The following ZNF37A variants were observed in gnomAD, a reference collection of about 807,000 sequenced individuals.
ZNF37A encodes zinc finger protein 37A.
A neutral mutation model predicts 12.3 loss-of-function variants in ZNF37A; 10 were observed. That is an observed-to-expected ratio of 0.82 (90% CI 0.50 to 1.38). The LOEUF is 1.38. Ranked by LOEUF, ZNF37A falls within the 40% of genes most tolerant of loss-of-function variation. ZNF37A has a pLI of 0.00. For missense variants in ZNF37A, 580 were observed against 651.2 expected, an observed-to-expected ratio of 0.89 and a Z score of 1.19; for synonymous variants, 207 against 223.0, an observed-to-expected ratio of 0.93 and a Z score of 0.64.
intron 7 of ZNF37A, among the ~76,000 whole-genome samples, chr10:38,136,545 T>A (rs1003728991): frequency 1.3e-5 from 2 of 152,246 alleles, no homozygotes; most frequent in African/African-American, 2.4e-5. Flanking sequence ...TGGTTTGTTG[T>A]ATGCGATGAG....
intron 7 of ZNF37A, chr10:38,140,204 A>G (rs1484541371): frequency 2.0e-5 from 3 of 152,244 alleles, no homozygotes; most frequent in Admixed American, 6.5e-5. Flanking sequence ...AAAACAAGCA[A>G]CCAACCAGGT....
rs2504145 is a variant in ZNF37A, at chr10:38,094,457, G to A, written c.-525G>A. On this transcript the variant is annotated 5_prime_UTR_variant, in exon 1 of 8. Transcript: ENST00000685332. ...GGCACTCTGACGGGGAGGGCTCCCGGCATCTCCTGGCGTCCGGGTAGAGGA... is the reference window on the plus strand; with the variant it reads ...GGCACTCTGACGGGGAGGGCTCCCGACATCTCCTGGCGTCCGGGTAGAGGA... 6.6e-6 allele frequency: 1 copy of A among 151,964 alleles called. No individual in the cohort carries two copies. Among genetic ancestry groups the A allele is most frequent in the Non-Finnish European group, 1.5e-5 (1 of 67,996 alleles). 9.4% of individuals were successfully genotyped at this position (151,964 alleles called of 1,614,324 possible).
intron 7 of ZNF37A, chr10:38,137,857 A>G (rs1332080995): frequency 6.6e-6 from 1 of 152,168 alleles, no homozygotes; most frequent in African/African-American, 2.4e-5. Flanking sequence ...GCAGATAGAG[A>G]TGGATTTTTG....
intron 7 of ZNF37A, among the ~76,000 whole-genome samples, chr10:38,145,145 A>G (rs1359301186): frequency 6.6e-6 from 1 of 152,202 alleles, no homozygotes; most frequent in African/African-American, 2.4e-5. Flanking sequence ...GACAAATTCA[A>G]CAGCCTTATT....
At chr10:38,126,419 A>G (rs1488376996), downstream of ZNF37A, among the ~76,000 whole-genome samples, 1 of 152,066 alleles carries the variant, frequency 6.6e-6, no homozygotes, top group Non-Finnish European at 1.5e-5. Context: ...ATAAACTCCT[A>G]ACTTTAGTTG....
chr10:38,094,339 G>A lies in ZNF37A; in HGVS notation c.-643G>A, dbSNP rs1379221517. On this transcript the variant is annotated 5_prime_UTR_variant, in exon 1 of 8. Coordinates refer to ENST00000685332, the MANE Select transcript of ZNF37A (RefSeq NM_001324250.3). ...GGGAGCGGCGCGAGGACTTGTGGGAGATGTAGTGTGCACTTTTCGGCCCCC... is the reference window on the plus strand; with the variant it reads ...GGGAGCGGCGCGAGGACTTGTGGGAAATGTAGTGTGCACTTTTCGGCCCCC... 7.0e-6 allele frequency: 1 copy of A among 142,112 alleles called. No individual in the cohort carries two copies. Among genetic ancestry groups the A allele is most frequent in the Non-Finnish European group, 1.6e-5 (1 of 64,376 alleles). The allele number at this position is 142,112 out of a possible 1,614,324, so 8.8% of individuals were successfully genotyped here. A position where few individuals can be genotyped will look rare whatever the true frequency, so the allele number is the denominator to read the frequency against.
chr10:38,096,697 A>G (rs2067180659), intron 5 of ZNF37A, 65 bp downstream of exon 5: 1 of 1,487,630 alleles, frequency 6.7e-7, no homozygotes, highest in Non-Finnish European at 9.3e-7. Context: ...AAATGTCTAT[A>G]CATTCATATG....
In ZNF37A at chr10:38,117,885, A is replaced by G. The variant is rs781695859; in HGVS notation, c.734A>G (p.Tyr245Cys). 3.0e-5 allele frequency: 49 copies of G among 1,613,932 alleles called. No homozygotes were observed. Among genetic ancestry groups the G allele is most frequent in the Non-Finnish European group, 4.0e-5 (47 of 1,180,004 alleles). Residue 245 changes from tyrosine to cysteine, a missense_variant, in exon 8 of 8, where the codon TAT becomes TGT. Transcript: ENST00000685332. ...RTHSINNIIEYNECGTFFSEK... is the reference protein window; with the variant it reads ...RTHSINNIIECNECGTFFSEK... ...CACTCAATTAACAATATTATTGAAT[A>G]TAATGAGTGTGGAACATTTTTCAGT... is the stretch of plus-strand genomic sequence containing the variant.
chr10:38,129,304 T>A (rs1393351809), downstream of ZNF37A, among the ~76,000 whole-genome samples: 31 of 56,900 alleles, frequency 5.4e-4, no homozygotes, highest in Middle Eastern at 9.3e-3. Flanking sequence ...AGACTCTGTC[T>A]AAAAAAAAAA....
At chr10:38,108,866 A>G (rs944393188) in intron 5 of ZNF37A, among the ~76,000 whole-genome samples, 5 of 152,220 alleles carry the variant, frequency 3.3e-5, no homozygotes, top group African/African-American at 1.2e-4. Flanking sequence ...AAAAATGTCT[A>G]GGACCAGACA....
downstream of ZNF37A, among the ~76,000 whole-genome samples, chr10:38,129,154 C>T (rs1485650098): frequency 6.6e-6 from 1 of 151,512 alleles, no homozygotes; most frequent in Non-Finnish European, 1.5e-5. Flanking sequence ...TGGATTTTTC[C>T]TTCCCTACAT....
At chr10:38,105,269 T>G (rs770298405) in intron 5 of ZNF37A, among the ~76,000 whole-genome samples, 1 of 152,118 alleles carries the variant, frequency 6.6e-6, no homozygotes, top group Admixed American at 6.6e-5. Flanking sequence ...CCTAACAAAG[T>G]GTTGGGATTA....
intron 7 of ZNF37A, among the ~76,000 whole-genome samples, chr10:38,133,551 T>C (rs999046847): frequency 6.8e-6 from 1 of 146,416 alleles, no homozygotes; most frequent in African/African-American, 2.5e-5. Context: ...CACCTATAAG[T>C]GAGAACATGC....
At chr10:38,131,761 A>T (rs1265484266) in intron 7 of ZNF37A, among the ~76,000 whole-genome samples, 1 of 152,194 alleles carries the variant, frequency 6.6e-6, no homozygotes, top group Admixed American at 6.5e-5. Flanking sequence ...CTTCCTATAC[A>T]CAAACAGGGA....
chr10:38,149,118 G>T (rs1340456237), exon 8 of ZNF37A: 1 of 152,078 alleles, frequency 6.6e-6, no homozygotes, highest in Non-Finnish European at 1.5e-5. Context: ...AATTACAGAT[G>T]TGAGCCACCA....
intron 7 of ZNF37A, among the ~76,000 whole-genome samples, chr10:38,132,258 A>G (rs2070037955): frequency 6.6e-6 from 1 of 152,152 alleles, no homozygotes; most frequent in African/African-American, 2.4e-5. Context: ...ACCCTTGGTC[A>G]TGTAGAGGAA....
At chr10:38,102,134 C>A (rs139570422) in intron 5 of ZNF37A, among the ~76,000 whole-genome samples, 6,439 of 152,064 alleles carry the variant, frequency 0.042, 190 homozygotes, top group Non-Finnish European at 0.06. Context: ...CATGCCCAGC[C>A]TATTTTGCCA....
At chr10:38,107,530 T>G (rs2068215649) in intron 5 of ZNF37A, among the ~76,000 whole-genome samples, 1 of 152,218 alleles carries the variant, frequency 6.6e-6, no homozygotes. Flanking sequence ...GTAAATGGGC[T>G]AAATGCCCCA....
At chr10:38,126,903 G>A (rs1365641759), downstream of ZNF37A, among the ~76,000 whole-genome samples, 4 of 152,168 alleles carry the variant, frequency 2.6e-5, no homozygotes, top group African/African-American at 9.7e-5. Flanking sequence ...AAGCCATGTA[G>A]TTTGGGCCCT....
Sources: gnomAD v4.1 joint callset for allele counts (sites outside exome capture counted in the v4.1 genomes callset) on GRCh38, gnomAD v4.1.1 for gene constraint, MANE v1.5 for transcripts, NCBI Gene and HGNC (gene_info 2026-07-23, HGNC 2026-07-21) for gene names.